Variants in CCDC91 observed in about 807,000 individuals in gnomAD.
CCDC91 encodes the protein coiled-coil domain-containing protein 91.
CCDC91 carries 48 observed loss-of-function variants against 63.2 expected under a neutral mutation model. That is an observed-to-expected ratio of 0.76 (90% CI 0.60 to 0.97). CCDC91 has a LOEUF of 0.97. Among genes scored for constraint, CCDC91 ranks in the 50% least tolerant of loss-of-function variants. The probability of loss-of-function intolerance (pLI) is 0.00; values close to 1 mark genes in which losing one functional copy is unlikely to be tolerated. For missense variants in CCDC91, 500 were observed against 494.6 expected, an observed-to-expected ratio of 1.01 and a Z score of -0.10; for synonymous variants, 167 against 165.8, an observed-to-expected ratio of 1.01 and a Z score of -0.06.
At chr12:28,197,977 A>AAAT (rs1941914752) in intron 1 of CCDC91, among the ~76,000 whole-genome samples, 1 of 152,188 alleles carries the variant, frequency 6.6e-6, no homozygotes, top group African/African-American at 2.4e-5. Flanking sequence ...TGGAGATAAA[A>AAAT]AATAATGTTA....
At chr12:28,362,603 A>G in intron 7 of CCDC91, 88 bp downstream of exon 7, 1 of 696,420 alleles carries the variant, frequency 1.4e-6, no homozygotes, top group South Asian at 2.1e-5. Flanking sequence ...ACATATACAA[A>G]TTATATGTGT....
chr12:28,536,220 G>A (rs1442765557), intron 12 of CCDC91, among the ~76,000 whole-genome samples: 3 of 152,030 alleles, frequency 2.0e-5, no homozygotes, highest in African/African-American at 4.8e-5. Context: ...GACTGAAAAA[G>A]AAACAAAAGT....
At chr12:28,248,977 G>C (rs1945941878) in intron 1 of CCDC91, among the ~76,000 whole-genome samples, 1 of 152,202 alleles carries the variant, frequency 6.6e-6, no homozygotes, top group Non-Finnish European at 1.5e-5. Context: ...AGCAGAATGA[G>C]TTGTAATAGC....
At chr12:28,343,427 A>G (rs938213308) in intron 6 of CCDC91, among the ~76,000 whole-genome samples, 35 of 152,214 alleles carry the variant, frequency 2.3e-4, no homozygotes, top group African/African-American at 8.4e-4. Flanking sequence ...ATACTGAGCC[A>G]TACATTCTCA....
chr12:28,477,923 T>A (rs139551878), intron 11 of CCDC91, among the ~76,000 whole-genome samples: 4,804 of 152,186 alleles, frequency 0.032, 108 homozygotes, highest in South Asian at 0.095. Flanking sequence ...GAAGGACCTC[T>A]TCAAGGAGAA....
intron 6 of CCDC91, chr12:28,319,363 A>T (rs1400374035): frequency 1.3e-5 from 2 of 152,008 alleles, no homozygotes; most frequent in Non-Finnish European, 2.9e-5. Context: ...TTAGATTCTC[A>T]TGATTCTGCA....
chr12:28,362,280 T>TTATATATATATATATATATATATATA lies in CCDC91; in HGVS notation c.577-143_577-142insATATATATATATATATATATATATAT, dbSNP rs71438746. Among the ~76,000 whole-genome samples the TTATATATATATATATATATATATATA allele has an allele frequency of 1.8e-3, 231 of 131,718 alleles. 12 individuals are homozygous for TTATATATATATATATATATATATATA. The highest frequency in any genetic ancestry group is 3.1e-3 in the Non-Finnish European group (175 of 56,146). 86.4% of individuals were successfully genotyped at this position (131,718 alleles called of 152,430 possible). On this transcript the variant is annotated intron_variant, in intron 6 of 12. Transcript: ENST00000536442. ...TTCTCCAATGCTTTTAAGCAAAGCT[T>TTATATATATATATATATATATATATA]TATATATATATATATGTTTTCTCTT...
intron 7 of CCDC91, among the ~76,000 whole-genome samples, chr12:28,380,906 G>A (rs1478122163): frequency 2.6e-5 from 4 of 152,078 alleles, no homozygotes; most frequent in Non-Finnish European, 5.9e-5. Flanking sequence ...ACTTGTATGT[G>A]TGTGCTACAG....
intron 11 of CCDC91, among the ~76,000 whole-genome samples, chr12:28,483,368 T>C (rs1477691473): frequency 6.6e-6 from 1 of 152,120 alleles, no homozygotes; most frequent in Non-Finnish European, 1.5e-5. Flanking sequence ...CATGATACAC[T>C]ATTGTAGCAG....
chr12:28,518,961 A>G (rs1940270989), intron 12 of CCDC91, among the ~76,000 whole-genome samples: 1 of 151,792 alleles, frequency 6.6e-6, no homozygotes, highest in Admixed American at 6.6e-5. Flanking sequence ...TCAGTTGGCT[A>G]TAAGTATTTG....
chr12:28,234,237 A>G (rs752296256), intron 1 of CCDC91, among the ~76,000 whole-genome samples: 8 of 152,132 alleles, frequency 5.3e-5, no homozygotes, highest in Non-Finnish European at 8.8e-5. Context: ...ATTAGACCCA[A>G]ATCTTTTCTA....
intron 8 of CCDC91, among the ~76,000 whole-genome samples, chr12:28,441,581 G>A (rs180856446): frequency 3.0e-4 from 45 of 150,386 alleles, no homozygotes; most frequent in African/African-American, 1.1e-3. Flanking sequence ...TTGGCAGAGC[G>A]ATGAAGCCTG....
chr12:28,391,459 C>G (rs769512149), intron 8 of CCDC91, 48 bp downstream of exon 8: 1 of 1,151,994 alleles, frequency 8.7e-7, no homozygotes, highest in Admixed American at 1.7e-5. Flanking sequence ...TCCCCTGACT[C>G]TCTCCCCTGA....
intron 3 of CCDC91, among the ~76,000 whole-genome samples, chr12:28,288,426 A>C (rs1446272613): frequency 2.0e-5 from 3 of 152,164 alleles, no homozygotes; most frequent in African/African-American, 7.2e-5. Flanking sequence ...GAATTTTATC[A>C]AAAGCCTTTT....
chr12:28,420,864 T>G (rs114425967), intron 8 of CCDC91, among the ~76,000 whole-genome samples: 1,931 of 152,214 alleles, frequency 0.013, 48 homozygotes, highest in African/African-American at 0.044. Flanking sequence ...ATTTTTGAAT[T>G]CACAAATGTT....
chr12:28,339,963 CAT>C (rs1429324798), intron 6 of CCDC91, among the ~76,000 whole-genome samples: 1 of 152,106 alleles, frequency 6.6e-6, no homozygotes, highest in African/African-American at 2.4e-5. Context: ...AATATACACA[CAT>C]ATATATGTAT....
intron 8 of CCDC91, among the ~76,000 whole-genome samples, chr12:28,412,327 T>C (rs1246798575): frequency 2.6e-5 from 4 of 152,184 alleles, no homozygotes; most frequent in Admixed American, 6.6e-5. Flanking sequence ...TATTTAATCA[T>C]GTGGGAGACC....
At chr12:28,329,609 T>C (rs1941319742) in intron 6 of CCDC91, among the ~76,000 whole-genome samples, 1 of 152,106 alleles carries the variant, frequency 6.6e-6, no homozygotes, top group Non-Finnish European at 1.5e-5. Context: ...AAGGACATTA[T>C]TAAGGATTAT....
chr12:28,221,633 C>T (rs1485556544), intron 1 of CCDC91, among the ~76,000 whole-genome samples: 3 of 152,272 alleles, frequency 2.0e-5, no homozygotes, highest in East Asian at 3.9e-4. Flanking sequence ...TACAGCCCCA[C>T]TACTAAGGAG....
Sources: gnomAD v4.1 joint callset for allele counts (sites outside exome capture counted in the v4.1 genomes callset) on GRCh38, gnomAD v4.1.1 for gene constraint, MANE v1.5 for transcripts, NCBI Gene and HGNC (gene_info 2026-07-23, HGNC 2026-07-21) for gene names.